Variants in MEIKIN observed in about 807,000 individuals in gnomAD.
The protein encoded by MEIKIN is meiotic kinetochore factor.
At chr5:131,894,132 C>T (rs1297113278) in intron 8 of MEIKIN, among the ~76,000 whole-genome samples, 1 of 152,150 alleles carries the variant, frequency 6.6e-6, no homozygotes, top group Non-Finnish European at 1.5e-5. Context: ...GCCAGTTTTC[C>T]CAGCACCATT....
At chr5:131,934,870 A>C (rs1343935044) in intron 4 of MEIKIN, among the ~76,000 whole-genome samples, 1 of 151,940 alleles carries the variant, frequency 6.6e-6, no homozygotes, top group African/African-American at 2.4e-5. Context: ...ATCCTGGCCA[A>C]CATGGTGAAA....
intron 9 of MEIKIN, among the ~76,000 whole-genome samples, chr5:131,855,503 A>C (rs1446571543): frequency 6.6e-6 from 1 of 151,924 alleles, no homozygotes; most frequent in Non-Finnish European, 1.5e-5. Context: ...AAGTGACAGA[A>C]AGCGAGGAAG....
At chr5:131,937,686 T>C (rs986283828) in intron 4 of MEIKIN, among the ~76,000 whole-genome samples, 3 of 152,170 alleles carry the variant, frequency 2.0e-5, no homozygotes, top group African/African-American at 7.2e-5. Context: ...TTCTTCAGAA[T>C]TCTGAATACG....
At chr5:131,864,300 C>T (rs1750345170) in intron 9 of MEIKIN, among the ~76,000 whole-genome samples, 1 of 152,012 alleles carries the variant, frequency 6.6e-6, no homozygotes, top group African/African-American at 2.4e-5. Flanking sequence ...CATTTGAGTC[C>T]TTTCTCCTCC....
At chr5:131,894,554 T>G (rs529374503) in intron 8 of MEIKIN, among the ~76,000 whole-genome samples, 3 of 152,292 alleles carry the variant, frequency 2.0e-5, no homozygotes, top group African/African-American at 4.8e-5. Flanking sequence ...TTCCATTTGT[T>G]TGTGTCTTCT....
intron 9 of MEIKIN, among the ~76,000 whole-genome samples, chr5:131,860,294 T>TG (rs1750260747): frequency 6.6e-6 from 1 of 151,388 alleles, no homozygotes; most frequent in Non-Finnish European, 1.5e-5. Flanking sequence ...TTTTTTTTTT[T>TG]TTTGGTTTTG....
chr5:131,883,490 C>G (rs538707631), intron 8 of MEIKIN, among the ~76,000 whole-genome samples: 1 of 152,158 alleles, frequency 6.6e-6, no homozygotes, highest in Non-Finnish European at 1.5e-5. Context: ...CAATCCTTGA[C>G]AGCAAGAAAA....
At chr5:131,860,417 A>T (rs1379948684) in intron 9 of MEIKIN, among the ~76,000 whole-genome samples, 1 of 149,328 alleles carries the variant, frequency 6.7e-6, no homozygotes, top group Non-Finnish European at 1.5e-5. Flanking sequence ...GGCTTCACTG[A>T]ATTTGGTTCA....
chr5:131,892,164 C>G (rs755403236), intron 8 of MEIKIN, among the ~76,000 whole-genome samples: 11 of 152,202 alleles, frequency 7.2e-5, no homozygotes, highest in South Asian at 2.1e-4. Context: ...TCCTTCATTT[C>G]AACTTTGGTG....
intron 4 of MEIKIN, among the ~76,000 whole-genome samples, chr5:131,940,540 C>G (rs1751851699): frequency 6.6e-6 from 1 of 152,282 alleles, no homozygotes; most frequent in Middle Eastern, 3.4e-3. Context: ...TTTGTTGCCT[C>G]TTTTCCATGG....
chr5:131,880,726 T>C (rs1346422444), intron 8 of MEIKIN, among the ~76,000 whole-genome samples: 2 of 152,210 alleles, frequency 1.3e-5, no homozygotes, highest in Non-Finnish European at 2.9e-5. Flanking sequence ...AAACTCAAGC[T>C]CCTTAATGTA....
At chr5:131,833,600 A>C (rs562767369) in intron 11 of MEIKIN, among the ~76,000 whole-genome samples, 1 of 152,192 alleles carries the variant, frequency 6.6e-6, no homozygotes, top group African/African-American at 2.4e-5. Flanking sequence ...CACTTCTTAC[A>C]TGGCAGCAGC....
chr5:131,889,111 T>C (rs12520906), intron 8 of MEIKIN, among the ~76,000 whole-genome samples: 32,936 of 152,108 alleles, frequency 0.22, 3,808 homozygotes, highest in East Asian at 0.48. Context: ...TTGGTTACTG[T>C]AGCCTTGTAG....
chr5:131,875,701 A>G (rs1304915906), intron 9 of MEIKIN, among the ~76,000 whole-genome samples: 2 of 152,218 alleles, frequency 1.3e-5, no homozygotes, highest in African/African-American at 4.8e-5. Flanking sequence ...ATCTTAAGCC[A>G]AAAGAACAAA....
At chr5:131,901,224 T>C (rs1751150746) in intron 8 of MEIKIN, among the ~76,000 whole-genome samples, 1 of 152,278 alleles carries the variant, frequency 6.6e-6, no homozygotes, top group South Asian at 2.1e-4. Context: ...GTCCCTGTGC[T>C]GACACTGCCA....
chr5:131,808,172 C>G (rs1772880541), intron 12 of MEIKIN, among the ~76,000 whole-genome samples: 1 of 152,182 alleles, frequency 6.6e-6, no homozygotes, highest in African/African-American at 2.4e-5. Context: ...CTGGCTATAC[C>G]TACTACTCTC....
intron 2 of MEIKIN, 96 bp from the exon 3 acceptor site, chr5:131,944,848 C>T (rs1751934704): frequency 2.5e-6 from 1 of 398,584 alleles, no homozygotes; most frequent in Non-Finnish European, 4.4e-6. Flanking sequence ...TCTTTAGGGA[C>T]ATCTTTAGGA....
intron 11 of MEIKIN, among the ~76,000 whole-genome samples, chr5:131,844,633 C>T (rs944842235): frequency 2.6e-5 from 4 of 152,098 alleles, no homozygotes; most frequent in African/African-American, 9.7e-5. Context: ...CTGATCAGTA[C>T]AAGCTTACGA....
intron 11 of MEIKIN, among the ~76,000 whole-genome samples, chr5:131,819,397 A>T (rs1428912260): frequency 7.8e-6 from 1 of 128,238 alleles, no homozygotes; most frequent in Non-Finnish European, 1.6e-5. Context: ...AGGCAGAGGC[A>T]GAGGTGGAGG....
Sources: allele counts gnomAD v4.1 joint callset (sites outside exome capture counted in the v4.1 genomes callset), GRCh38; gene constraint gnomAD v4.1.1; transcripts MANE v1.5; gene names NCBI Gene and HGNC (gene_info 2026-07-23, HGNC 2026-07-21).